The following TSHZ2 variants were observed in gnomAD, a reference collection of about 807,000 sequenced individuals.
TSHZ2 encodes teashirt homolog 2.
TSHZ2 carries 21 observed loss-of-function variants against 74.4 expected under a neutral mutation model. That is an observed-to-expected ratio of 0.28 (90% CI 0.20 to 0.41). TSHZ2 has a LOEUF of 0.41. Ranked by LOEUF, TSHZ2 falls within the 10% of genes least tolerant of loss-of-function variation. The pLI is 1.00. For synonymous variants in TSHZ2, 540 were observed against 515.3 expected, an observed-to-expected ratio of 1.05 and a Z score of -0.65; for missense variants, 1,244 against 1,293.5, an observed-to-expected ratio of 0.96 and a Z score of 0.59.
chr20:53,265,136 G>A (rs537252675), intron 2 of TSHZ2, among the ~76,000 whole-genome samples: 9 of 152,134 alleles, frequency 5.9e-5, no homozygotes, highest in Admixed American at 1.3e-4. Context: ...GGGCCAGAGC[G>A]TTCAGGGGTG....
chr20:53,201,739 T>G (rs1039104471), intron 1 of TSHZ2, among the ~76,000 whole-genome samples: 1 of 152,136 alleles, frequency 6.6e-6, no homozygotes, highest in African/African-American at 2.4e-5. Context: ...ATCCACACCC[T>G]TTTTTGCTGG....
intron 1 of TSHZ2, among the ~76,000 whole-genome samples, chr20:53,158,196 C>T (rs1987842414): frequency 6.6e-6 from 1 of 152,118 alleles, no homozygotes; most frequent in African/African-American, 2.4e-5. Context: ...ACCCGGATGT[C>T]TGGAGCCGAA....
intron 2 of TSHZ2, among the ~76,000 whole-genome samples, chr20:53,423,994 G>A (rs1983573895): frequency 6.6e-6 from 1 of 152,176 alleles, no homozygotes; most frequent in African/African-American, 2.4e-5. Flanking sequence ...CCGCTGCAAG[G>A]AATCATCCAG....
At chr20:53,405,007 T>C (rs1249007127) in intron 2 of TSHZ2, among the ~76,000 whole-genome samples, 1 of 152,258 alleles carries the variant, frequency 6.6e-6, no homozygotes, top group Non-Finnish European at 1.5e-5. Flanking sequence ...TCTAGCATTT[T>C]GGGAGGCCGA....
chr20:53,114,728 C>T (rs558232977), intron 1 of TSHZ2, among the ~76,000 whole-genome samples: 1 of 152,236 alleles, frequency 6.6e-6, no homozygotes, highest in South Asian at 2.1e-4. Context: ...CCCTAATTTC[C>T]ACTGAAATTC....
intron 2 of TSHZ2, among the ~76,000 whole-genome samples, chr20:53,389,326 T>A (rs1982165976): frequency 6.6e-6 from 1 of 152,202 alleles, no homozygotes; most frequent in African/African-American, 2.4e-5. Context: ...TTATGTGTAG[T>A]TTTCACTTAA....
chr20:53,162,818 C>G lies in TSHZ2; in HGVS notation c.41-90681C>G, dbSNP rs558883358. Among the ~76,000 whole-genome samples, 5 of 151,964 alleles carry G rather than the reference C, an allele frequency of 3.3e-5. No homozygotes were observed. The East Asian group carries it at 9.7e-4, about 29-fold the overall frequency. On this transcript the variant is annotated intron_variant, in intron 1 of 2. Coordinates refer to ENST00000371497, the MANE Select transcript of TSHZ2 (RefSeq NM_173485.6). ...TCTGCTGATTGTTTTCTTTACAAAG[C>G]GGGGGAGGGGGAGAAAATAAGAAAG... is the stretch of plus-strand genomic sequence containing the variant.
At chr20:53,360,758 A>G (rs987928143) in intron 2 of TSHZ2, among the ~76,000 whole-genome samples, 1 of 152,226 alleles carries the variant, frequency 6.6e-6, no homozygotes, top group Non-Finnish European at 1.5e-5. Flanking sequence ...TACAAGGTAC[A>G]GAGCTTGTAA....
intron 1 of TSHZ2, among the ~76,000 whole-genome samples, chr20:53,237,528 C>A (rs376372269): frequency 7.0e-6 from 1 of 143,702 alleles, no homozygotes; most frequent in East Asian, 2.0e-4. Flanking sequence ...TGTGTGTGTG[C>A]GCGTGCATCT....
At chr20:53,478,656 TA>T (rs1172701465) in intron 2 of TSHZ2, among the ~76,000 whole-genome samples, 2 of 147,238 alleles carry the variant, frequency 1.4e-5, no homozygotes, top group East Asian at 2.0e-4. Context: ...AAAACTTTAA[TA>T]AAAAATAAAT....
At chr20:53,231,435 T>A (rs968824384) in intron 1 of TSHZ2, among the ~76,000 whole-genome samples, 21 of 152,316 alleles carry the variant, frequency 1.4e-4, no homozygotes, top group African/African-American at 4.3e-4. Flanking sequence ...TCAACATTAG[T>A]TCATTGATGT....
At chr20:53,175,580 T>G in intron 1 of TSHZ2, among the ~76,000 whole-genome samples, 1 of 152,194 alleles carries the variant, frequency 6.6e-6, no homozygotes, top group East Asian at 1.9e-4. Flanking sequence ...ATGCACACAT[T>G]GTTATCTTGT....
At chr20:53,084,828 A>G (rs898521051) in intron 1 of TSHZ2, among the ~76,000 whole-genome samples, 2 of 152,040 alleles carry the variant, frequency 1.3e-5, no homozygotes, top group African/African-American at 4.8e-5. Flanking sequence ...CACCAAGACA[A>G]AAACCAAGGC....
chr20:53,468,495 G>A (rs76940976), intron 2 of TSHZ2, among the ~76,000 whole-genome samples: 1,702 of 152,172 alleles, frequency 0.011, 38 homozygotes, highest in African/African-American at 0.039. Context: ...TGTTCTCCAA[G>A]ATATCGCCCT....
intron 1 of TSHZ2, among the ~76,000 whole-genome samples, chr20:53,009,603 A>G (rs1982777988): frequency 6.6e-6 from 1 of 152,200 alleles, no homozygotes; most frequent in Non-Finnish European, 1.5e-5. Context: ...AAAACCACAG[A>G]TAAGTAGGGA....
At position 52,998,264 on chromosome 20, in the gene TSHZ2, G is replaced by A. The variant is rs553276947; in HGVS notation, c.40+24931G>A. ...GCTCACTGCAGCCTCTGTCTCCCAGGTTCAAGCGATTCTCCTGCCTCAGCC... is the reference window on the plus strand; with the variant it reads ...GCTCACTGCAGCCTCTGTCTCCCAGATTCAAGCGATTCTCCTGCCTCAGCC... On this transcript the variant is annotated intron_variant, in intron 1 of 2. Coordinates refer to ENST00000371497, the MANE Select transcript of TSHZ2 (RefSeq NM_173485.6). Among the ~76,000 whole-genome samples the A allele has an allele frequency of 2.0e-5, 3 of 152,290 alleles. No homozygotes were observed. The South Asian group carries it at 6.2e-4, about 32-fold the overall frequency.
In TSHZ2 at chr20:53,322,283, C is replaced by T. The variant is rs562773932; in HGVS notation, c.*8+65712C>T. On this transcript the variant is annotated intron_variant, in intron 2 of 2. Transcript: ENST00000371497. Reference sequence around the variant, plus strand: ...ATCCTAGCACTTTGGGACGCCAAGGCGGGTGGATCACTTGAGGTCAAGAGT... The same window carrying T: ...ATCCTAGCACTTTGGGACGCCAAGGTGGGTGGATCACTTGAGGTCAAGAGT... Among the ~76,000 whole-genome samples the T allele has an allele frequency of 1.9e-3, 286 of 152,268 alleles. 1 individual carries two copies. Among genetic ancestry groups the T allele is most frequent in the Non-Finnish European group, 2.8e-3 (188 of 68,010 alleles).
Position 53,441,556 on chromosome 20 carries a change from T to G in TSHZ2, c.*9-45588T>G, listed in dbSNP as rs1039012438. 1.9e-4 allele frequency among the ~76,000 whole-genome samples: 29 copies of G among 151,910 alleles called. 1 individual carries two copies. The East Asian group carries it at 5.4e-3, about 29-fold the overall frequency. On this transcript the variant is annotated intron_variant, in intron 2 of 2. Transcript: ENST00000371497. ...CCACCTCGGCCTCCCAAAGTGCTGGTATTACAAGCGTGAGCCACCACGCCC... is the reference window on the plus strand; with the variant it reads ...CCACCTCGGCCTCCCAAAGTGCTGGGATTACAAGCGTGAGCCACCACGCCC...
chr20:53,427,368 C>T (rs1368336302), intron 2 of TSHZ2, among the ~76,000 whole-genome samples: 1 of 152,162 alleles, frequency 6.6e-6, no homozygotes. Flanking sequence ...TGGAGAGACG[C>T]GAGGTATGAT....
Sources: gnomAD v4.1 joint callset for allele counts (sites outside exome capture counted in the v4.1 genomes callset) on GRCh38, gnomAD v4.1.1 for gene constraint, MANE v1.5 for transcripts, NCBI Gene and HGNC (gene_info 2026-07-23, HGNC 2026-07-21) for gene names.